Variants in CRACR2B observed in about 807,000 individuals in gnomAD.
CRACR2B encodes EF-hand calcium-binding domain-containing protein 4A.
CRACR2B carries 50 observed loss-of-function variants against 46.0 expected under a neutral mutation model. That is an observed-to-expected ratio of 1.09 (90% confidence interval 0.87 to 1.38). CRACR2B has a LOEUF of 1.38. CRACR2B is among the 40% of genes most tolerant of loss of function. CRACR2B has a pLI of 0.00. For missense variants in CRACR2B, 667 were observed against 535.0 expected (o/e 1.25, Z -2.43); for synonymous variants, 277 against 239.6 (o/e 1.16, Z -1.44).
chr11:829,984 AGGCAGCG>A lies in CRACR2B; in HGVS notation c.461_467del (p.Gln154LeufsTer2). 6.4e-7 allele frequency: 1 copy of A among 1,564,504 alleles called. No individual in the cohort carries two copies. Among genetic ancestry groups the A allele is most frequent in the Non-Finnish European group, 8.6e-7 (1 of 1,161,678 alleles). On this transcript the variant is annotated splice_acceptor_variant and coding_sequence_variant, in exon 4 of 9. Coordinates refer to ENST00000525077, the MANE Select transcript of CRACR2B (RefSeq NM_001286606.2). LOFTEE classifies it high-confidence loss of function. ...CAGCCTCAGTTCCCGCCCGCCCTCC[AGGCAGCG>A]GGCTGTGAGGACGCTCTGGGCCAGG...
Position 828,779 on chromosome 11 carries a change from C to T in CRACR2B, c.165+7C>T, listed in dbSNP as rs756145742. On this transcript the variant is annotated splice_region_variant and intron_variant, in intron 1 of 8. Transcript: ENST00000525077. ...CACCAAGCACGACCTGCAGGTGAGT[C>T]CCCCACCCCAAGAGACTGCTTCGGC... 1 of 1,613,044 alleles carries T rather than the reference C, an allele frequency of 6.2e-7. No homozygotes were observed. The highest frequency in any genetic ancestry group is 8.5e-7 in the Non-Finnish European group (1 of 1,179,774).
In CRACR2B at chr11:830,278, C is replaced by T; in HGVS notation, c.634C>T (p.Arg212Cys). The T allele has an allele frequency of 2.0e-6, 3 of 1,525,004 alleles. No homozygotes were observed. Among genetic ancestry groups the T allele is most frequent in the South Asian group, 1.2e-5 (1 of 83,176 alleles). 94.5% of individuals were successfully genotyped at this position (1,525,004 alleles called of 1,614,324 possible). The change falls in exon 5 of 9, where the codon CGC becomes TGC. Residue 212 changes from arginine to cysteine, a missense_variant. Arg to Cys is a radical substitution (Grantham distance 180). Coordinates refer to ENST00000525077, the MANE Select transcript of CRACR2B (RefSeq NM_001286606.2). The part of the protein sequence containing the change: ...RRESEHEREV[R>C]ALYEETEQLR... ...CGAGAGCGAGCACGAGAGGGAGGTG[C>T]GCGCTCTGTACGAGGAGACGGAGCA... is the stretch of plus-strand genomic sequence containing the variant.
intron 2 of CRACR2B, 54 bp downstream of exon 2, chr11:829,017 G>A: frequency 6.3e-7 from 1 of 1,588,154 alleles, no homozygotes; most frequent in Non-Finnish European, 8.5e-7. Flanking sequence ...GCCTGATCAG[G>A]AGGCCTGGCA....
In CRACR2B at chr11:831,076, G is replaced by T. The variant is rs549099361; in HGVS notation, c.953+44G>T. On this transcript the variant is annotated intron_variant, in intron 7 of 8. Coordinates refer to ENST00000525077, the MANE Select transcript of CRACR2B (RefSeq NM_001286606.2). ...GGGCGGGCCCCGGTGCGTGTCCCGG[G>T]GGCGGGGCCGACGGGCGCTCAGGTC... 4.9e-5 allele frequency: 75 copies of T among 1,539,166 alleles called. 2 individuals are homozygous for T. In the South Asian group the frequency reaches 8.7e-4, roughly 18 times the overall value.
At chr11:827,581 C>G, upstream of CRACR2B, 3 of 981,580 alleles carry the variant, frequency 3.1e-6, no homozygotes, top group Non-Finnish European at 3.6e-6. Context: ...CTGGGGTGGA[C>G]CTCAGGTCTA....
In CRACR2B at chr11:831,855, G is replaced by C; in HGVS notation, c.*146G>C. On this transcript the variant is annotated 3_prime_UTR_variant, in exon 9 of 9. Coordinates refer to ENST00000525077, the MANE Select transcript of CRACR2B (RefSeq NM_001286606.2). ...TGAAGACATGAAGGACCTAGCCTAG[G>C]AGTGGTCAGGGTCCCGGGAGTGGCC... 9.5e-7 allele frequency: 1 copy of C among 1,055,374 alleles called. No individual in the cohort carries two copies. Among genetic ancestry groups the C allele is most frequent in the Non-Finnish European group, 1.3e-6 (1 of 776,702 alleles). 65.4% of individuals were successfully genotyped at this position (1,055,374 alleles called of 1,614,324 possible). A position where few individuals can be genotyped will look rare whatever the true frequency, so the allele number is the denominator to read the frequency against.
At chr11:831,184 G>A (rs765029739) in intron 7 of CRACR2B, 40 bp from the exon 8 acceptor site, 4 of 1,610,708 alleles carry the variant, frequency 2.5e-6, no homozygotes, top group Non-Finnish European at 8.5e-7. Context: ...GGCTCCCCAA[G>A]GAGCCTTCCT....
At position 828,488 on chromosome 11, in the gene CRACR2B, G is replaced by A; in HGVS notation, c.-120G>A. 4.8e-6 allele frequency: 6 copies of A among 1,247,200 alleles called. No homozygotes were observed. Among genetic ancestry groups the A allele is most frequent in the Non-Finnish European group, 6.4e-6 (6 of 936,946 alleles). The allele number at this position is 1,247,200 out of a possible 1,614,324, so 77.3% of individuals were successfully genotyped here. ...CCGCCCACCTTCCCACCTGCTGCAG[G>A]GAGGGCCCTCGGCTGAGCCTTCAGA... On this transcript the variant is annotated 5_prime_UTR_variant, in exon 1 of 9. Coordinates refer to ENST00000525077, the MANE Select transcript of CRACR2B (RefSeq NM_001286606.2).
upstream of CRACR2B, among the ~76,000 whole-genome samples, chr11:826,821 T>G (rs1845934580): frequency 6.6e-6 from 1 of 152,180 alleles, no homozygotes; most frequent in South Asian, 2.1e-4. Context: ...GGCCTACATG[T>G]TTATTGTTTA....
rs772583367 is a variant in CRACR2B, at chr11:828,671, G to C, written c.64G>C (p.Gly22Arg). ...GGAGGAGGAGGGGGAACTCGAGGGG[G>C]GCTCTGCAGGGCCGCGGGCTGCAAT... Reference protein sequence around the residue: ...AQEEEGELEGGSAGPRAAILE... With the variant: ...AQEEEGELEGRSAGPRAAILE... The change falls in exon 1 of 9, where the codon GGC (glycine) becomes CGC (arginine). Residue 22 changes from glycine (G) to arginine (R), a missense_variant. Transcript: ENST00000525077. 1 of 1,608,872 alleles carries C rather than the reference G, an allele frequency of 6.2e-7. No individual in the cohort carries two copies. The highest frequency in any genetic ancestry group is 1.1e-5 in the South Asian group (1 of 90,722).
Position 830,942 on chromosome 11 carries a change from A to T in CRACR2B, c.863A>T (p.His288Leu). 1 of 1,533,028 alleles carries T rather than the reference A, an allele frequency of 6.5e-7. No homozygotes were observed. The allele number at this position is 1,533,028 out of a possible 1,614,324, so 95.0% of individuals were successfully genotyped here. A position where few individuals can be genotyped will look rare whatever the true frequency, so the allele number is the denominator to read the frequency against. ...CAGAACTCCCAGCTGTGGCGGGCGCACGAGGCGCTGCGAACGCAGCTGGAG... is the reference window on the plus strand; with the variant it reads ...CAGAACTCCCAGCTGTGGCGGGCGCTCGAGGCGCTGCGAACGCAGCTGGAG... ...QAQNSQLWRA[H>L]EALRTQLEGA... The change falls in exon 7 of 9, where the codon CAC becomes CTC. Residue 288 changes from histidine (H) to leucine (L), a missense_variant. His to Leu is a moderately conservative substitution (Grantham distance 99). Transcript: ENST00000525077.
Position 829,397 on chromosome 11 carries a change from C to A in CRACR2B, c.315C>A (p.Asn105Lys). The change falls in exon 3 of 9, where the codon AAC becomes AAA. Residue 105 changes from asparagine (N) to lysine (K), a missense_variant. Coordinates refer to ENST00000525077, the MANE Select transcript of CRACR2B (RefSeq NM_001286606.2). ...FVGVASAQGANPCRTPEETFE... is the reference protein window; with the variant it reads ...FVGVASAQGAKPCRTPEETFE... ...GGGTGGCGTCAGCCCAGGGAGCGAA[C>A]CCCTGCAGGACTCCCGAGGAGACCT... 6.2e-7 allele frequency: 1 copy of A among 1,610,754 alleles called. No homozygotes were observed. Among genetic ancestry groups the A allele is most frequent in the Non-Finnish European group, 8.5e-7 (1 of 1,179,182 alleles).
upstream of CRACR2B, chr11:827,461 T>C: frequency 1.2e-6 from 1 of 806,164 alleles, no homozygotes; most frequent in Non-Finnish European, 1.5e-6. Flanking sequence ...GCGGCAGGGG[T>C]AAGGGCGGGG....
intron 3 of CRACR2B, 137 bp from the exon 4 acceptor site, chr11:829,849 G>A: frequency 2.1e-6 from 3 of 1,414,056 alleles, no homozygotes; most frequent in South Asian, 3.0e-5. Flanking sequence ...AGCGCTCACG[G>A]GAGGGATGCC....
chr11:830,313 G>T lies in CRACR2B; in HGVS notation c.669G>T (p.Glu223Asp). The change falls in exon 5 of 9, where the codon GAG (glutamate) becomes GAT (aspartate). Residue 223 changes from glutamate to aspartate, a missense_variant. Physicochemically the swap from Glu to Asp is conservative, Grantham distance 45 (BLOSUM62 2). Coordinates refer to ENST00000525077, the MANE Select transcript of CRACR2B (RefSeq NM_001286606.2). The stretch of plus-strand genomic sequence containing the variant: ...ACGAGGAGACGGAGCAGCTTCGGGA[G>T]CAGAGCCGGCGCCCGCCGAGTCAGG... ...ALYEETEQLREQSRRPPSQNF... is the reference protein window; with the variant it reads ...ALYEETEQLRDQSRRPPSQNF... The T allele has an allele frequency of 6.5e-7, 1 of 1,534,496 alleles. No individual in the cohort carries two copies.
In CRACR2B at chr11:829,426, A is replaced by G; in HGVS notation, c.344A>G (p.Glu115Gly). 1 of 1,610,588 alleles carries G rather than the reference A, an allele frequency of 6.2e-7. No individual in the cohort carries two copies. Among genetic ancestry groups the G allele is most frequent in the South Asian group, 1.1e-5 (1 of 90,654 alleles). ...NPCRTPEETF[E>G]SGGLDVQGTA... ...TGCAGGACTCCCGAGGAGACCTTTG[A>G]GTCGGGCGGGCTCGACGTGCAGGGC... Residue 115 changes from glutamate (E) to glycine (G), a missense_variant, in exon 3 of 9, where the codon GAG (glutamate) becomes GGG (glycine). Transcript: ENST00000525077.
At position 831,569 on chromosome 11, in the gene CRACR2B, G is replaced by T. The variant is rs1009244722; in HGVS notation, c.1060G>T (p.Ala354Ser). The change falls in exon 9 of 9, where the codon GCC becomes TCC. Residue 354 changes from alanine to serine, a missense_variant. Transcript: ENST00000525077. ...TACACGGCTGCGGGATGACAGGGACGCCTGCGAGGCCAGGCGGGCGGGCAG... is the reference window on the plus strand; with the variant it reads ...TACACGGCTGCGGGATGACAGGGACTCCTGCGAGGCCAGGCGGGCGGGCAG... Reference protein sequence around the residue: ...LNTRLRDDRDACEARRAGSSC... With the variant: ...LNTRLRDDRDSCEARRAGSSC... 17 of 1,597,046 alleles carry T rather than the reference G, an allele frequency of 1.1e-5. No individual in the cohort carries two copies. Among genetic ancestry groups the T allele is most frequent in the Non-Finnish European group, 1.4e-5 (16 of 1,173,900 alleles).
intron 4 of CRACR2B, 55 bp from the exon 5 acceptor site, chr11:830,195 C>A: frequency 6.7e-7 from 1 of 1,493,640 alleles, no homozygotes; most frequent in South Asian, 1.3e-5. Flanking sequence ...AGAGGCGGTG[C>A]CAGGGGGCTG....
In CRACR2B at chr11:831,516, C is replaced by A; in HGVS notation, c.1026-19C>A. ...GAGCTCCCTCAGACCCTCTCAGTGT[C>A]GGACTCCTCCTTCCCTAGGGAGCTG... On this transcript the variant is annotated intron_variant, in intron 8 of 8. Coordinates refer to ENST00000525077, the MANE Select transcript of CRACR2B (RefSeq NM_001286606.2). The A allele has an allele frequency of 1.3e-6, 2 of 1,565,448 alleles. No homozygotes were observed. Among genetic ancestry groups the A allele is most frequent in the South Asian group, 1.2e-5 (1 of 84,746 alleles).
Sources: allele counts gnomAD v4.1 joint callset (sites outside exome capture counted in the v4.1 genomes callset), GRCh38; gene constraint gnomAD v4.1.1; transcripts MANE v1.5; gene names NCBI Gene and HGNC (gene_info 2026-07-23, HGNC 2026-07-21).